The following ING4 variants were observed in gnomAD, a reference collection of about 807,000 sequenced individuals.
ING4 encodes the protein inhibitor of growth protein 4.
ING4 carries 28 observed loss-of-function variants against 33.1 expected under a neutral mutation model. The ratio of observed to expected loss-of-function variants is 0.85; its 90% CI spans 0.63 to 1.16. The LOEUF is 1.16. ING4 is among the 50% of genes most tolerant of loss of function. ING4 has a pLI of 0.00. For synonymous variants in ING4, 87 were observed against 104.4 expected, an observed-to-expected ratio of 0.83 and a Z score of 1.02; for missense variants, 247 against 314.7, an observed-to-expected ratio of 0.78 and a Z score of 1.63.
chr12:6,656,538 T>C (rs562522327), intron 2 of ING4, 189 bp downstream of exon 2: 3 of 524,924 alleles, frequency 5.7e-6, no homozygotes, highest in East Asian at 3.6e-5. Flanking sequence ...CACAATACTC[T>C]ATTTGTTATG....
intron 3 of ING4, 77 bp downstream of exon 3, chr12:6,653,153 C>A: frequency 6.3e-7 from 1 of 1,598,992 alleles, no homozygotes; most frequent in East Asian, 2.2e-5. Context: ...AAACAGATCC[C>A]AACACAGTTG....
chr12:6,650,853 T>C lies in ING4; in HGVS notation c.*342A>G, dbSNP rs531875502. On this transcript the variant is annotated 3_prime_UTR_variant, in exon 8 of 8. Coordinates refer to ENST00000341550, the MANE Select transcript of ING4 (RefSeq NM_016162.4). ...GGTCTGGGGGACTGCCCCCATGCTATGCCCCAGTCCTTAAATACAAAGCAA... is the reference window on the plus strand; with the variant it reads ...GGTCTGGGGGACTGCCCCCATGCTACGCCCCAGTCCTTAAATACAAAGCAA... 1 of 360,712 alleles carries C rather than the reference T, an allele frequency of 2.8e-6. No homozygotes were observed. The highest frequency in any genetic ancestry group is 5.5e-5 in the East Asian group (1 of 18,204). 22.3% of individuals were successfully genotyped at this position (360,712 alleles called of 1,614,324 possible).
At chr12:6,652,191 C>A in intron 6 of ING4, 80 bp downstream of exon 6, 1 of 1,499,664 alleles carries the variant, frequency 6.7e-7, no homozygotes, top group South Asian at 1.2e-5. Flanking sequence ...TCCCAGTACT[C>A]AACTGTGGGA....
At chr12:6,659,291 C>A (rs1049326548) in intron 1 of ING4, among the ~76,000 whole-genome samples, 1 of 152,072 alleles carries the variant, frequency 6.6e-6, no homozygotes, top group African/African-American at 2.4e-5. Context: ...CACGGTGGCT[C>A]ATGCCTGTAA....
At chr12:6,658,892 A>G (rs1949456863) in intron 1 of ING4, among the ~76,000 whole-genome samples, 1 of 152,052 alleles carries the variant, frequency 6.6e-6, no homozygotes, top group Admixed American at 6.6e-5. Context: ...CACTGCCTCA[A>G]ACTGGCCTGT....
chr12:6,662,799 C>G (rs1274200971), intron 1 of ING4, among the ~76,000 whole-genome samples: 1 of 152,090 alleles, frequency 6.6e-6, no homozygotes, highest in Non-Finnish European at 1.5e-5. Context: ...ATGGGGGCAG[C>G]AACTATCTTC....
intron 7 of ING4, 40 bp downstream of exon 7, chr12:6,651,284 G>A: frequency 6.2e-7 from 1 of 1,613,354 alleles, no homozygotes; most frequent in Non-Finnish European, 8.5e-7. Flanking sequence ...GAATGCCCTT[G>A]ACCACTCAAC....
chr12:6,659,414 C>T (rs1012129079), intron 1 of ING4, among the ~76,000 whole-genome samples: 5 of 151,614 alleles, frequency 3.3e-5, no homozygotes, highest in Non-Finnish European at 5.9e-5. Context: ...GGCTGAGGCA[C>T]AAGAATTGCT....
chr12:6,658,351 C>A (rs1340447554), intron 1 of ING4, among the ~76,000 whole-genome samples: 2 of 152,160 alleles, frequency 1.3e-5, no homozygotes, highest in Admixed American at 1.3e-4. Context: ...CATAACACTT[C>A]CAATCTACTT....
chr12:6,657,278 T>A (rs1350667321), intron 1 of ING4, among the ~76,000 whole-genome samples: 1 of 151,482 alleles, frequency 6.6e-6, no homozygotes, highest in African/African-American at 2.4e-5. Flanking sequence ...TGAAACCCCG[T>A]CTCTACTAAA....
At position 6,652,130 on chromosome 12, in the gene ING4, G is replaced by A. The variant is rs561126850; in HGVS notation, c.645+141C>T. ...CCGCCTCAGCCTCCCAAAGTGCTGG[G>A]ATTTCAGGCAAGAGCTACTACGTCC... On this transcript the variant is annotated intron_variant, in intron 6 of 7. Coordinates refer to ENST00000341550, the MANE Select transcript of ING4 (RefSeq NM_016162.4). 3.8e-5 allele frequency: 41 copies of A among 1,074,564 alleles called. No homozygotes were observed. The East Asian group carries it at 5.6e-4, about 15-fold the overall frequency. 66.6% of individuals were successfully genotyped at this position (1,074,564 alleles called of 1,614,324 possible).
In ING4 at chr12:6,663,062, T is replaced by A. The variant is rs748367799; in HGVS notation, c.37+3A>T. ...CCGACCCCCACCTCCAGCCTGCTCT[T>A]ACTGTCCAGATAATGTTCCAAATAC... On this transcript the variant is annotated splice_donor_region_variant and intron_variant, in intron 1 of 7. Coordinates refer to ENST00000341550, the MANE Select transcript of ING4 (RefSeq NM_016162.4). The A allele has an allele frequency of 6.2e-7, 1 of 1,614,072 alleles. No individual in the cohort carries two copies.
intron 1 of ING4, among the ~76,000 whole-genome samples, chr12:6,657,629 C>A (rs563159087): frequency 6.6e-6 from 1 of 151,950 alleles, no homozygotes; most frequent in Non-Finnish European, 1.5e-5. Flanking sequence ...CAGTGACCTT[C>A]CTTTATAAAT....
At chr12:6,661,588 A>AT (rs77742335) in intron 1 of ING4, among the ~76,000 whole-genome samples, 3,231 of 140,752 alleles carry the variant, frequency 0.023, 118 homozygotes, top group African/African-American at 0.075. Flanking sequence ...TGCCCAGCTA[A>AT]TTTTTTTTTT....
intron 2 of ING4, chr12:6,656,493 A>T (rs1360905384): frequency 2.4e-6 from 1 of 422,910 alleles, no homozygotes; most frequent in Non-Finnish European, 4.2e-6. Context: ...GGAAGACATA[A>T]AGAACACAGC....
At chr12:6,662,929 C>T (rs1024207694) in intron 1 of ING4, 136 bp downstream of exon 1, 10 of 950,234 alleles carry the variant, frequency 1.1e-5, no homozygotes, top group Non-Finnish European at 1.6e-5. Context: ...TCTCCGCACC[C>T]TCCAATATTT....
chr12:6,660,193 C>T lies in ING4; in HGVS notation c.37+2872G>A, dbSNP rs184691998. Among the ~76,000 whole-genome samples the T allele has an allele frequency of 2.9e-3, 439 of 152,322 alleles. 1 individual carries two copies. The highest frequency in any genetic ancestry group is 4.7e-3 in the Non-Finnish European group (319 of 68,024). On this transcript the variant is annotated intron_variant, in intron 1 of 7. Transcript: ENST00000341550. ...TGCCTCTACTTGCTGGGCACAGTGG[C>T]TCACGCCTGTAATCCCAGCATTCTG...
At chr12:6,662,203 G>A (rs1044593818) in intron 1 of ING4, among the ~76,000 whole-genome samples, 3 of 152,184 alleles carry the variant, frequency 2.0e-5, no homozygotes, top group Middle Eastern at 6.8e-3. Context: ...TAACCTTCAA[G>A]ACCCTATTCA....
At chr12:6,659,431 C>T (rs1175035591) in intron 1 of ING4, among the ~76,000 whole-genome samples, 11 of 152,036 alleles carry the variant, frequency 7.2e-5, no homozygotes, top group Admixed American at 5.9e-4. Flanking sequence ...TGCTTAAATC[C>T]GGGAGGTGGA....
Sources: gnomAD v4.1 joint callset for allele counts (sites outside exome capture counted in the v4.1 genomes callset) on GRCh38, gnomAD v4.1.1 for gene constraint, MANE v1.5 for transcripts, NCBI Gene and HGNC (gene_info 2026-07-23, HGNC 2026-07-21) for gene names.